PPP4R3A: variants seen among roughly 807,000 people sequenced by gnomAD.
The protein encoded by PPP4R3A is serine/threonine-protein phosphatase 4 regulatory subunit 3A.
A neutral mutation model predicts 91.7 loss-of-function variants in PPP4R3A; 15 were observed. The observed-to-expected ratio is 0.16, with a 90% CI of 0.11 to 0.25. The LOEUF (loss-of-function observed/expected upper bound fraction) is 0.25. Ranked by LOEUF, PPP4R3A falls within the 10% of genes least tolerant of loss-of-function variation. The pLI, the probability that PPP4R3A is intolerant of heterozygous loss-of-function variation, is 1.00. For synonymous variants in PPP4R3A, 377 were observed against 348.7 expected (o/e 1.08, Z -0.91); for missense variants, 623 against 998.4 (o/e 0.62, Z 5.07).
At chr14:91,506,413 A>G (rs1217728496) in intron 1 of PPP4R3A, among the ~76,000 whole-genome samples, 1 of 152,236 alleles carries the variant, frequency 6.6e-6, no homozygotes, top group East Asian at 1.9e-4. Flanking sequence ...GTAAACTGCT[A>G]AAAGAGTTTG....
chr14:91,458,913 TATAAA>T (rs1567142262), intron 14 of PPP4R3A, 44 bp from the exon 15 acceptor site: 1 of 1,532,112 alleles, frequency 6.5e-7, no homozygotes, highest in Admixed American at 2.2e-5. Flanking sequence ...AAATAAAACA[TATAAA>T]AACACTGGTG....
intron 1 of PPP4R3A, among the ~76,000 whole-genome samples, chr14:91,506,928 T>C (rs1407048497): frequency 6.6e-6 from 1 of 152,190 alleles, no homozygotes; most frequent in East Asian, 1.9e-4. Flanking sequence ...AAGCTCTCCC[T>C]GCTAGATAAA....
chr14:91,477,422 T>A (rs1425477148), intron 4 of PPP4R3A, among the ~76,000 whole-genome samples: 2 of 152,200 alleles, frequency 1.3e-5, no homozygotes, highest in African/African-American at 4.8e-5. Context: ...TTCTACAACC[T>A]CTCAAATGAG....
rs568342487 is a variant in PPP4R3A, at chr14:91,458,986, G to GGGT, written c.2392-120_2392-118dup. 2.1e-4 allele frequency: 259 copies of GGGT among 1,205,274 alleles called. No homozygotes were observed. The African/African-American group carries it at 3.7e-3, about 17-fold the overall frequency. 74.7% of individuals were successfully genotyped at this position (1,205,274 alleles called of 1,614,324 possible). On this transcript the variant is annotated intron_variant, in intron 14 of 14. Transcript: ENST00000554943. ...CAACATAGTAACGGTGGTTATTTCT[G>GGGT]GGTGGTGGGACTGTGTTAAACTTCA...
intron 11 of PPP4R3A, among the ~76,000 whole-genome samples, chr14:91,463,472 C>T (rs1369989157): frequency 1.3e-5 from 2 of 151,850 alleles, no homozygotes; most frequent in Non-Finnish European, 2.9e-5. Flanking sequence ...CTCGTTCTGG[C>T]ACCTAGGTTG....
At chr14:91,467,476 C>G (rs141754334) in intron 10 of PPP4R3A, among the ~76,000 whole-genome samples, 1 of 152,148 alleles carries the variant, frequency 6.6e-6, no homozygotes, top group African/African-American at 2.4e-5. Context: ...CTTTATAAAA[C>G]GTGAATTTCA....
intron 14 of PPP4R3A, among the ~76,000 whole-genome samples, chr14:91,460,636 CCTT>C (rs1430685999): frequency 5.3e-4 from 52 of 98,336 alleles, no homozygotes; most frequent in African/African-American, 1.9e-3. Context: ...AGATTTTGTT[CCTT>C]TTTTTTTTTT....
intron 10 of PPP4R3A, among the ~76,000 whole-genome samples, chr14:91,467,299 CAAAGT>C (rs60971485): frequency 0.49 from 74,053 of 151,338 alleles, 18,365 homozygotes; most frequent in Admixed American, 0.53. Context: ...TCAAGTCACT[CAAAGT>C]AGAGTGGAGA....
intron 4 of PPP4R3A, among the ~76,000 whole-genome samples, chr14:91,477,229 C>T (rs1310639468): frequency 6.6e-6 from 1 of 151,868 alleles, no homozygotes; most frequent in Non-Finnish European, 1.5e-5. Context: ...CTTTGCGGCC[C>T]ATGTGATCTC....
intron 2 of PPP4R3A, 27 bp from the exon 3 acceptor site, chr14:91,485,757 T>C: frequency 6.8e-7 from 1 of 1,479,162 alleles, no homozygotes; most frequent in Non-Finnish European, 9.3e-7. Context: ...GGAGTCTGAA[T>C]GATTAACATA....
chr14:91,474,103 T>C (rs1889019577), intron 7 of PPP4R3A, among the ~76,000 whole-genome samples: 1 of 152,236 alleles, frequency 6.6e-6, no homozygotes, highest in Non-Finnish European at 1.5e-5. Flanking sequence ...CTTCTATTTA[T>C]GGCCAGTGAT....
At chr14:91,497,620 C>T (rs1050270516) in intron 1 of PPP4R3A, among the ~76,000 whole-genome samples, 1 of 152,162 alleles carries the variant, frequency 6.6e-6, no homozygotes, top group African/African-American at 2.4e-5. Flanking sequence ...TTGATATGTG[C>T]ACTTGGACTT....
Position 91,498,871 on chromosome 14 carries a change from A to G in PPP4R3A, c.143-8069T>C, listed in dbSNP as rs572101415. ...GGAGCTTGCAGTGAGCCGAGATGGCACCACTGCACTCCATCCAGCCTGGGC... is the reference window on the plus strand; with the variant it reads ...GGAGCTTGCAGTGAGCCGAGATGGCGCCACTGCACTCCATCCAGCCTGGGC... On this transcript the variant is annotated intron_variant, in intron 1 of 14. Coordinates refer to ENST00000554943, the MANE Select transcript of PPP4R3A (RefSeq NM_001366432.2). Among the ~76,000 whole-genome samples, 20 of 146,160 alleles carry G rather than the reference A, an allele frequency of 1.4e-4. No individual in the cohort carries two copies. In the East Asian group the frequency reaches 4.1e-3, roughly 30 times the overall value.
chr14:91,492,983 T>C (rs1446276308), intron 1 of PPP4R3A, among the ~76,000 whole-genome samples: 2 of 152,190 alleles, frequency 1.3e-5, no homozygotes, highest in Non-Finnish European at 2.9e-5. Context: ...CCCAGCACTT[T>C]GGGAAGCTGA....
At chr14:91,461,820 A>T in intron 13 of PPP4R3A, 1 of 867,426 alleles carries the variant, frequency 1.2e-6, no homozygotes, top group Non-Finnish European at 1.7e-6. Context: ...AATCATATTT[A>T]GTATCCCTAC....
At position 91,507,389 on chromosome 14, in the gene PPP4R3A, G is replaced by GT. The variant is rs1566660203; in HGVS notation, c.142+2116dup. ...ATACTATAATTATATATACTATATA[G>GT]TATATGTACTATAATTATATATACT... On this transcript the variant is annotated intron_variant, in intron 1 of 14. Transcript: ENST00000554943. Among the ~76,000 whole-genome samples, 19 of 95,428 alleles carry GT rather than the reference G, an allele frequency of 2.0e-4. 1 individual carries two copies. The East Asian group carries it at 2.2e-3, about 11-fold the overall frequency. The allele number at this position is 95,428 out of a possible 152,430, so 62.6% of individuals were successfully genotyped here.
Position 91,458,627 on chromosome 14 carries a change from A to G in PPP4R3A, c.*132T>C. On this transcript the variant is annotated 3_prime_UTR_variant, in exon 15 of 15. Transcript: ENST00000554943. The stretch of plus-strand genomic sequence containing the variant: ...ATTGAATTGGCACTTGATGAGCAGA[A>G]GTCAAGTGTAAGAGGCTGATCTGTG... 1 of 1,291,798 alleles carries G rather than the reference A, an allele frequency of 7.7e-7. No individual in the cohort carries two copies. Among genetic ancestry groups the G allele is most frequent in the Non-Finnish European group, 1.1e-6 (1 of 889,034 alleles). The allele number at this position is 1,291,798 out of a possible 1,614,324, so 80.0% of individuals were successfully genotyped here.
intron 7 of PPP4R3A, among the ~76,000 whole-genome samples, chr14:91,474,058 C>T (rs975683970): frequency 1.3e-5 from 2 of 152,162 alleles, no homozygotes; most frequent in African/African-American, 2.4e-5. Flanking sequence ...CGTGAGCCAC[C>T]GTGCCTGGTC....
intron 10 of PPP4R3A, among the ~76,000 whole-genome samples, chr14:91,468,149 T>C (rs886564707): frequency 6.6e-6 from 1 of 152,206 alleles, no homozygotes; most frequent in African/African-American, 2.4e-5. Context: ...TTAGGTTTAA[T>C]GATAACCTGA....
Sources: allele counts gnomAD v4.1 joint callset (sites outside exome capture counted in the v4.1 genomes callset), GRCh38; gene constraint gnomAD v4.1.1; transcripts MANE v1.5; gene names NCBI Gene and HGNC (gene_info 2026-07-23, HGNC 2026-07-21).